NFATC1: variants seen among roughly 807,000 people sequenced by gnomAD.
NFATC1 encodes the protein nuclear factor of activated T-cells, cytoplasmic 1.
Under a neutral mutation model 76.0 loss-of-function variants are expected in NFATC1, and 22 were observed. The ratio of observed to expected loss-of-function variants is 0.29; its 90% CI spans 0.21 to 0.41. NFATC1 has a LOEUF of 0.41. NFATC1 is among the 10% of genes least tolerant of loss of function. The pLI, the probability that NFATC1 is intolerant of heterozygous loss-of-function variation, is 1.00. For missense variants in NFATC1, 1,357 were observed against 1,337.7 expected (o/e 1.01, Z -0.23); for synonymous variants, 704 against 613.1 (o/e 1.15, Z -2.19).
Position 79,411,444 on chromosome 18 carries a change from C to T in NFATC1, c.1169C>T (p.Pro390Leu), listed in dbSNP as rs776916137. 22 of 1,522,376 alleles carry T rather than the reference C, an allele frequency of 1.4e-5. No homozygotes were observed. Among genetic ancestry groups the T allele is most frequent in the East Asian group, 2.3e-5 (1 of 44,032 alleles). The allele number at this position is 1,522,376 out of a possible 1,614,324, so 94.3% of individuals were successfully genotyped here. A position where few individuals can be genotyped will look rare whatever the true frequency, so the allele number is the denominator to read the frequency against. Residue 390 changes from proline (P) to leucine (L), a missense_variant, in exon 2 of 10, where the codon CCG becomes CTG. By Grantham distance (98) the Pro-to-Leu change is moderately conservative (BLOSUM62 -3). Around this residue, in one of 3 missense-constraint regions of NFATC1, gnomAD observed 691 missense variants for 613.1 expected, o/e 1.13. Coordinates refer to ENST00000427363, the MANE Select transcript of NFATC1 (RefSeq NM_001278669.2). ...TTCTGCGACCAGTACCTGGCGGTGC[C>T]GCAGCACCCCTACCAGTGGGCGAAG... ...GGFCDQYLAV[P>L]QHPYQWAKPK...
chr18:79,479,774 C>T (rs1317906275), intron 8 of NFATC1, among the ~76,000 whole-genome samples: 5 of 152,238 alleles, frequency 3.3e-5, no homozygotes, highest in Admixed American at 1.3e-4. Context: ...TGCCGTCCAC[C>T]GCCCTTTGTC....
At chr18:79,489,384 C>T (rs1484677813) in intron 9 of NFATC1, among the ~76,000 whole-genome samples, 1 of 152,236 alleles carries the variant, frequency 6.6e-6, no homozygotes. Flanking sequence ...GCCTGCAGCT[C>T]CTCTGAGGAT....
At chr18:79,501,363 A>G (rs2145136611) in intron 9 of NFATC1, among the ~76,000 whole-genome samples, 1 of 152,296 alleles carries the variant, frequency 6.6e-6, no homozygotes, top group African/African-American at 2.4e-5. Flanking sequence ...AAAAAAAAAC[A>G]GTGATCATCA....
chr18:79,442,016 G>A (rs1010315025), intron 3 of NFATC1, among the ~76,000 whole-genome samples: 1 of 152,204 alleles, frequency 6.6e-6, no homozygotes, highest in African/African-American at 2.4e-5. Flanking sequence ...TGGCTCCGTG[G>A]CCCTGTCGGT....
In NFATC1 at chr18:79,410,903, G is replaced by C; in HGVS notation, c.628G>C (p.Val210Leu). Residue 210 changes from valine to leucine, a missense_variant, in exon 2 of 10, where the codon GTG becomes CTG. Coordinates refer to ENST00000427363, the MANE Select transcript of NFATC1 (RefSeq NM_001278669.2). This position sits in a 1 kb window ranked among gnomAD's most constrained non-coding sequence, Gnocchi z 6.7. ...GACGTCGCCATGGCAGTCTCCCTGC[G>C]TGTCTCCCAAGACCACGGACCCCGA... ...PQTSPWQSPC[V>L]SPKTTDPEEG... The C allele has an allele frequency of 1.2e-6, 2 of 1,608,340 alleles. No individual in the cohort carries two copies. The highest frequency in any genetic ancestry group is 1.7e-6 in the Non-Finnish European group (2 of 1,178,760).
intron 9 of NFATC1, among the ~76,000 whole-genome samples, chr18:79,499,365 T>C (rs1246474414): frequency 1.4e-5 from 2 of 144,014 alleles, no homozygotes; most frequent in Non-Finnish European, 3.1e-5. Context: ...CACACACACA[T>C]AAAATGTCAA....
At chr18:79,506,819 G>C (rs975497093) in intron 9 of NFATC1, among the ~76,000 whole-genome samples, 16 of 152,142 alleles carry the variant, frequency 1.1e-4, no homozygotes, top group African/African-American at 3.9e-4. Context: ...TTGCATTACT[G>C]GAGGTCTGGG....
chr18:79,441,186 C>T (rs190809696), intron 3 of NFATC1, among the ~76,000 whole-genome samples: 311 of 152,302 alleles, frequency 2.0e-3, no homozygotes, highest in African/African-American at 7.2e-3. Flanking sequence ...AGGTTTCACC[C>T]GGAGATTGGG....
At chr18:79,515,146 A>C (rs1265965942) in intron 9 of NFATC1, among the ~76,000 whole-genome samples, 1 of 151,978 alleles carries the variant, frequency 6.6e-6, no homozygotes, top group Non-Finnish European at 1.5e-5. Context: ...GGAGTTTGAG[A>C]CCAGCGTGGC....
chr18:79,428,225 C>A (rs1298801898), intron 2 of NFATC1, among the ~76,000 whole-genome samples: 1 of 152,152 alleles, frequency 6.6e-6, no homozygotes, highest in Non-Finnish European at 1.5e-5. Context: ...GGAAATAAAT[C>A]AAGGGGATGT....
chr18:79,490,584 C>T (rs765042339), intron 9 of NFATC1, among the ~76,000 whole-genome samples: 18 of 152,190 alleles, frequency 1.2e-4, no homozygotes, highest in Non-Finnish European at 2.5e-4. Context: ...CTCTAGACAC[C>T]TGTTCCTCCC....
chr18:79,411,561 CGCGGGGAGCGGG>C (rs1301045173), intron 2 of NFATC1, 60 bp downstream of exon 2: 1 of 1,178,458 alleles, frequency 8.5e-7, no homozygotes, highest in Non-Finnish European at 1.1e-6. Context: ...CGGGGCGGAA[CGCGGGGAGCGGG>C]ACGGGGGGCG....
At chr18:79,487,961 C>T (rs1218029543) in intron 9 of NFATC1, among the ~76,000 whole-genome samples, 2 of 152,198 alleles carry the variant, frequency 1.3e-5, no homozygotes, top group Non-Finnish European at 2.9e-5. Flanking sequence ...TGACGTTTCC[C>T]AGGCCCGGGT....
intron 6 of NFATC1, among the ~76,000 whole-genome samples, chr18:79,458,270 T>TGAGGATGCTGTGGGGTGCACGGCAC (rs2087846729): frequency 6.6e-6 from 1 of 151,330 alleles, no homozygotes; most frequent in African/African-American, 2.4e-5. Flanking sequence ...CTTCTGGGCA[T>TGAGGATGCTGTGGGGTGCACGGCAC]GAGGATGCTG....
intron 2 of NFATC1, among the ~76,000 whole-genome samples, chr18:79,416,603 A>G (rs940953469): frequency 1.1e-4 from 17 of 152,198 alleles, no homozygotes; most frequent in African/African-American, 3.9e-4. Flanking sequence ...TCCCGCTGCC[A>G]TCACCTCCTG....
At chr18:79,522,747 C>G (rs1254341574) in intron 9 of NFATC1, among the ~76,000 whole-genome samples, 2 of 152,124 alleles carry the variant, frequency 1.3e-5, no homozygotes, top group African/African-American at 4.8e-5. Flanking sequence ...GGACGGACTC[C>G]TGGGGCCAGG....
intron 9 of NFATC1, chr18:79,493,533 T>C (rs1411756764): frequency 2.6e-5 from 4 of 152,224 alleles, no homozygotes; most frequent in African/African-American, 9.6e-5. Context: ...CTCCATGTCA[T>C]TAAAACAACG....
At chr18:79,458,128 T>C (rs2087836789) in intron 6 of NFATC1, among the ~76,000 whole-genome samples, 1 of 152,060 alleles carries the variant, frequency 6.6e-6, no homozygotes, top group Non-Finnish European at 1.5e-5. Context: ...GGTGGCTCCG[T>C]GTGAGGCCCT....
chr18:79,487,042 C>A, intron 9 of NFATC1, 105 bp downstream of exon 9: 1 of 1,300,844 alleles, frequency 7.7e-7, no homozygotes, highest in African/African-American at 1.5e-5. Context: ...TGGAAGTGCA[C>A]CGAGGCACCG....
Sources: allele counts gnomAD v4.1 joint callset (sites outside exome capture counted in the v4.1 genomes callset), GRCh38; gene constraint gnomAD v4.1.1; regional missense constraint gnomAD v4.1.1; non-coding constraint Gnocchi (gnomAD v3.1); transcripts MANE v1.5; gene names NCBI Gene and HGNC (gene_info 2026-07-23, HGNC 2026-07-21).